Variants in DCAF7 observed in about 807,000 individuals in gnomAD.
The protein encoded by DCAF7 is DDB1- and CUL4-associated factor 7.
DCAF7 carries 4 observed loss-of-function variants against 41.2 expected under a neutral mutation model. That is an observed-to-expected ratio of 0.10 (90% confidence interval 0.05 to 0.22). DCAF7 has a LOEUF of 0.22. Ranked by LOEUF, DCAF7 falls within the 10% of genes least tolerant of loss-of-function variation. The pLI is 1.00. For synonymous variants in DCAF7, 143 were observed against 164.2 expected, an observed-to-expected ratio of 0.87 and a Z score of 0.99; for missense variants, 131 against 443.2, an observed-to-expected ratio of 0.30 and a Z score of 6.32.
intron 6 of DCAF7, among the ~76,000 whole-genome samples, chr17:63,586,547 C>G (rs560689902): frequency 3.3e-5 from 5 of 152,120 alleles, no homozygotes; most frequent in Admixed American, 3.3e-4. Flanking sequence ...AGGTGGATCA[C>G]GAGGTCAGGA....
chr17:63,590,744 C>T lies in DCAF7; in HGVS notation c.*1572C>T, dbSNP rs1480146284. ...TGCTCATCTGAGATTAGTAGAGTAG[C>T]AGGCCTGAAGGATGATGGTTTTGTC... On this transcript the variant is annotated 3_prime_UTR_variant, in exon 7 of 7. Transcript: ENST00000614556. 1 of 152,476 alleles carries T rather than the reference C, an allele frequency of 6.6e-6. No individual in the cohort carries two copies. The highest frequency in any genetic ancestry group is 2.4e-5 in the African/African-American group (1 of 41,450). The allele number at this position is 152,476 out of a possible 1,614,324, so 9.4% of individuals were successfully genotyped here.
At chr17:63,579,296 A>G (rs1293525313) in intron 2 of DCAF7, 41 bp from the exon 3 acceptor site, 7 of 1,421,690 alleles carry the variant, frequency 4.9e-6, no homozygotes, top group African/African-American at 2.8e-5. Context: ...TTTTATGAGG[A>G]TAAGACTGGC....
chr17:63,562,959 G>A (rs919628158), intron 1 of DCAF7, among the ~76,000 whole-genome samples: 30 of 151,806 alleles, frequency 2.0e-4, no homozygotes, highest in Non-Finnish European at 3.5e-4. Context: ...CAAGTTGCTA[G>A]AATTACAGAC....
intron 6 of DCAF7, 98 bp from the exon 7 acceptor site, chr17:63,588,902 G>A (rs2033705686): frequency 1.4e-5 from 18 of 1,309,408 alleles, no homozygotes; most frequent in Middle Eastern, 2.8e-4. Flanking sequence ...CGCCATCACG[G>A]GGGTGCTTTG....
At chr17:63,551,392 A>G (rs745567459) in intron 1 of DCAF7, among the ~76,000 whole-genome samples, 12 of 149,354 alleles carry the variant, frequency 8.0e-5, no homozygotes, top group Non-Finnish European at 1.3e-4. Flanking sequence ...CTCTAAAGCA[A>G]TCTCTTTGGA....
chr17:63,586,655 G>A (rs556683922), intron 6 of DCAF7, among the ~76,000 whole-genome samples: 61 of 151,390 alleles, frequency 4.0e-4, no homozygotes, highest in African/African-American at 1.4e-3. Flanking sequence ...CCAGCTACTC[G>A]GGAGGCTGAG....
chr17:63,582,819 C>T (rs1248982266), intron 4 of DCAF7, among the ~76,000 whole-genome samples: 1 of 152,134 alleles, frequency 6.6e-6, no homozygotes, highest in Non-Finnish European at 1.5e-5. Flanking sequence ...TCCTCATAGA[C>T]GTTAGTGATA....
chr17:63,589,360 C>A lies in DCAF7; in HGVS notation c.*188C>A. Reference sequence around the variant, plus strand: ...ATCGCCCTCTGTGGCAGACTCAGTGCTGTGTGGCGCCTCCTCAGCCCAGGG... The same window carrying A: ...ATCGCCCTCTGTGGCAGACTCAGTGATGTGTGGCGCCTCCTCAGCCCAGGG... On this transcript the variant is annotated 3_prime_UTR_variant, in exon 7 of 7. Coordinates refer to ENST00000614556, the MANE Select transcript of DCAF7 (RefSeq NM_005828.5). The A allele has an allele frequency of 1.3e-6, 1 of 766,004 alleles. No individual in the cohort carries two copies. The allele number at this position is 766,004 out of a possible 1,614,324, so 47.5% of individuals were successfully genotyped here. A position where few individuals can be genotyped will look rare whatever the true frequency, so the allele number is the denominator to read the frequency against.
chr17:63,578,102 T>G (rs929584052), intron 1 of DCAF7, among the ~76,000 whole-genome samples: 1 of 152,088 alleles, frequency 6.6e-6, no homozygotes, highest in Non-Finnish European at 1.5e-5. Context: ...GTGACTCATG[T>G]CTGTAATCCC....
At chr17:63,585,890 G>A (rs749249010) in intron 6 of DCAF7, among the ~76,000 whole-genome samples, 11 of 152,004 alleles carry the variant, frequency 7.2e-5, no homozygotes, top group Non-Finnish European at 1.0e-4. Context: ...GGGAGGCTGA[G>A]GCGGGTGGAT....
intron 1 of DCAF7, among the ~76,000 whole-genome samples, chr17:63,572,847 C>A (rs1005504302): frequency 2.0e-5 from 3 of 152,214 alleles, no homozygotes; most frequent in Non-Finnish European, 4.4e-5. Context: ...ACTGCAACCT[C>A]TACCTCCTAG....
intron 5 of DCAF7, 44 bp from the exon 6 acceptor site, chr17:63,585,167 T>C (rs766216566): frequency 4.6e-5 from 70 of 1,535,290 alleles, no homozygotes; most frequent in Admixed American, 9.4e-5. Context: ...TTTTTTTCTA[T>C]GAAACTCTGA....
intron 1 of DCAF7, among the ~76,000 whole-genome samples, chr17:63,553,730 T>A (rs2033282493): frequency 6.6e-6 from 1 of 152,224 alleles, no homozygotes; most frequent in Non-Finnish European, 1.5e-5. Context: ...TTGTAATTTT[T>A]AAAAATTTGC....
chr17:63,579,166 G>A (rs1226478709), intron 2 of DCAF7, among the ~76,000 whole-genome samples, 171 bp from the exon 3 acceptor site: 1 of 152,198 alleles, frequency 6.6e-6, no homozygotes, highest in East Asian at 1.9e-4. Context: ...AGAGGAGAAA[G>A]TATGGGAAAA....
intron 1 of DCAF7, among the ~76,000 whole-genome samples, chr17:63,551,324 AT>A (rs1346343426): frequency 9.7e-6 from 1 of 102,568 alleles, no homozygotes; most frequent in Non-Finnish European, 1.9e-5. Context: ...CCGGGTACTC[AT>A]GGATCCTAGC....
chr17:63,556,864 A>C (rs1294336903), intron 1 of DCAF7, among the ~76,000 whole-genome samples: 1 of 152,128 alleles, frequency 6.6e-6, no homozygotes, highest in East Asian at 1.9e-4. Flanking sequence ...ACTCCATCTC[A>C]AAAGAAAAAA....
chr17:63,569,193 G>A (rs1398354115), intron 1 of DCAF7, among the ~76,000 whole-genome samples: 1 of 152,144 alleles, frequency 6.6e-6, no homozygotes, highest in Non-Finnish European at 1.5e-5. Flanking sequence ...GTGGTCCATG[G>A]TTAAGAAGCA....
At chr17:63,578,760 C>A in intron 2 of DCAF7, 132 bp downstream of exon 2, 2 of 1,249,260 alleles carry the variant, frequency 1.6e-6, no homozygotes, top group South Asian at 1.4e-5. Flanking sequence ...GCAAGCGAAG[C>A]TTAAATGGAC....
intron 1 of DCAF7, among the ~76,000 whole-genome samples, chr17:63,572,994 C>T (rs1471545301): frequency 6.6e-6 from 1 of 152,190 alleles, no homozygotes; most frequent in African/African-American, 2.4e-5. Flanking sequence ...AATTCCTGGG[C>T]TCAAGCCATC....
Sources: allele counts gnomAD v4.1 joint callset (sites outside exome capture counted in the v4.1 genomes callset), GRCh38; gene constraint gnomAD v4.1.1; transcripts MANE v1.5; gene names NCBI Gene and HGNC (gene_info 2026-07-23, HGNC 2026-07-21).